The following SEC23A variants were observed in gnomAD, a reference collection of about 807,000 sequenced individuals.
SEC23A encodes SEC23 homolog A, COPII component, also known as protein transport protein Sec23A.
Under a neutral mutation model 103.7 loss-of-function variants are expected in SEC23A, and 56 were observed. The observed-to-expected ratio is 0.54, with a 90% confidence interval of 0.44 to 0.67. SEC23A has a LOEUF of 0.67. Among genes scored for constraint, SEC23A ranks in the 30% least tolerant of loss-of-function variants. The probability of loss-of-function intolerance (pLI) is 0.00; values close to 1 mark genes in which losing one functional copy is unlikely to be tolerated. For synonymous variants in SEC23A, 281 were observed against 293.0 expected (o/e 0.96, Z 0.42); for missense variants, 784 against 936.4 (o/e 0.84, Z 2.12).
chr14:39,036,309 A>G (rs1885456674), intron 19 of SEC23A, among the ~76,000 whole-genome samples: 1 of 128,658 alleles, frequency 7.8e-6, no homozygotes. Context: ...CAACAGAGCA[A>G]GACTCCGTCT....
intron 7 of SEC23A, among the ~76,000 whole-genome samples, chr14:39,078,202 C>T (rs1887105472): frequency 6.6e-6 from 1 of 152,014 alleles, no homozygotes; most frequent in South Asian, 2.1e-4. Flanking sequence ...CTGCAGTCAA[C>T]CATGATCATG....
rs748940241 is a variant in SEC23A, at chr14:39,067,199, C to A, written c.1201G>T (p.Gly401Cys). 6.2e-7 allele frequency: 1 copy of A among 1,613,718 alleles called. No homozygotes were observed. The highest frequency in any genetic ancestry group is 1.7e-5 in the Admixed American group (1 of 60,000). Residue 401 changes from glycine to cysteine, a missense_variant, in exon 10 of 20, where the codon GGC (glycine) becomes TGC (cysteine). Physicochemically the swap from Gly to Cys is radical, Grantham distance 159. Transcript: ENST00000307712. ...TTTATTTCTAGCGTACCACCAAAGC[C>A]CATTTTAAACTGTCCATGCATGTCT... ...TKDMHGQFKM[G>C]FGGTLEIKTS...
intron 19 of SEC23A, among the ~76,000 whole-genome samples, chr14:39,034,550 T>A (rs1424493714): frequency 6.6e-6 from 1 of 152,226 alleles, no homozygotes; most frequent in Non-Finnish European, 1.5e-5. Context: ...TGGCTCTTAC[T>A]TTTTTCTTCC....
At chr14:39,084,633 G>A (rs1887363206) in intron 7 of SEC23A, among the ~76,000 whole-genome samples, 1 of 151,892 alleles carries the variant, frequency 6.6e-6, no homozygotes, top group Non-Finnish European at 1.5e-5. Flanking sequence ...GCTCCTAAAA[G>A]CCTTGGATTC....
intron 19 of SEC23A, among the ~76,000 whole-genome samples, chr14:39,035,965 G>A (rs1334208931): frequency 1.3e-5 from 2 of 151,934 alleles, no homozygotes; most frequent in Non-Finnish European, 2.9e-5. Context: ...CAGTATAAAG[G>A]TGGGGCCTTT....
intron 7 of SEC23A, among the ~76,000 whole-genome samples, chr14:39,085,131 C>T (rs1266136769): frequency 6.6e-6 from 1 of 152,192 alleles, no homozygotes; most frequent in African/African-American, 2.4e-5. Flanking sequence ...TCAATCATGC[C>T]TATGCAGTGA....
intron 1 of SEC23A, among the ~76,000 whole-genome samples, chr14:39,100,800 G>A (rs191868061): frequency 2.0e-5 from 3 of 152,094 alleles, no homozygotes; most frequent in Admixed American, 1.3e-4. Context: ...TTAAACCAAA[G>A]AAATATTATT....
chr14:39,061,510 C>T (rs1157652056), intron 13 of SEC23A, among the ~76,000 whole-genome samples: 1 of 151,958 alleles, frequency 6.6e-6, no homozygotes, highest in Non-Finnish European at 1.5e-5. Context: ...GATTTTTCTC[C>T]TCTCACAGGA....
chr14:39,068,810 ATG>A (rs1247740649), intron 9 of SEC23A, among the ~76,000 whole-genome samples: 1 of 152,204 alleles, frequency 6.6e-6, no homozygotes, highest in Admixed American at 6.5e-5. Flanking sequence ...AATAAAACTG[ATG>A]TGTTATAACT....
At chr14:39,039,892 T>G (rs975565243) in intron 18 of SEC23A, 1 of 152,134 alleles carries the variant, frequency 6.6e-6, no homozygotes, top group Non-Finnish European at 1.5e-5. Context: ...TCAAATGAGA[T>G]AAGGCATGCA....
Position 39,074,542 on chromosome 14 carries a change from T to C in SEC23A, c.988-12A>G, listed in dbSNP as rs751375631. 2 of 1,530,478 alleles carry C rather than the reference T, an allele frequency of 1.3e-6. No homozygotes were observed. The highest frequency in any genetic ancestry group is 2.3e-5 in the East Asian group (1 of 44,424). 94.8% of individuals were successfully genotyped at this position (1,530,478 alleles called of 1,614,324 possible). On this transcript the variant is annotated splice_polypyrimidine_tract_variant and intron_variant, in intron 8 of 19. Transcript: ENST00000307712. ...AATGCTTCAAAATGCTACAAAAGAT[T>C]TTCTTAATTAAAATAATATACAAAA...
At chr14:39,052,768 G>A (rs1886111395) in intron 14 of SEC23A, among the ~76,000 whole-genome samples, 1 of 152,182 alleles carries the variant, frequency 6.6e-6, no homozygotes, top group Admixed American at 6.5e-5. Flanking sequence ...CCTAGAAAAG[G>A]AAAAGTCACA....
intron 15 of SEC23A, 107 bp from the exon 16 acceptor site, chr14:39,045,431 ATGT>A: frequency 1.3e-6 from 1 of 748,802 alleles, no homozygotes. Flanking sequence ...ATAACAAAAC[ATGT>A]TATTATAAGA....
Position 39,096,036 on chromosome 14 carries a change from C to T in SEC23A, c.83G>A (p.Arg28Gln), listed in dbSNP as rs778317222. 1.2e-6 allele frequency: 2 copies of T among 1,614,062 alleles called. No individual in the cohort carries two copies. Among genetic ancestry groups the T allele is most frequent in the South Asian group, 1.1e-5 (1 of 91,072 alleles). The part of the protein sequence containing the change: ...RFSWNVWPSS[R>Q]LEATRMVVPV... Reference sequence around the variant, plus strand: ...AACAACCATTCTTGTAGCTTCCAGTCGACTTGATGGCCAAACATTCCAACT... The same window carrying T: ...AACAACCATTCTTGTAGCTTCCAGTTGACTTGATGGCCAAACATTCCAACT... The change falls in exon 2 of 20, where the codon CGA becomes CAA. Residue 28 changes from arginine to glutamine, a missense_variant. Physicochemically the swap from Arg to Gln is conservative, Grantham distance 43. Coordinates refer to ENST00000307712, the MANE Select transcript of SEC23A (RefSeq NM_006364.4).
chr14:39,044,902 C>G (rs1289544055), intron 16 of SEC23A, among the ~76,000 whole-genome samples: 1 of 151,940 alleles, frequency 6.6e-6, no homozygotes, highest in African/African-American at 2.4e-5. Flanking sequence ...AACCAAATGG[C>G]TGGACAAAAT....
intron 13 of SEC23A, among the ~76,000 whole-genome samples, chr14:39,058,286 AT>A (rs376125773): frequency 0.063 from 9,082 of 144,184 alleles, 648 homozygotes; most frequent in African/African-American, 0.18. Context: ...TTCTTTCTGT[AT>A]TTTTTTTTTT....
At chr14:39,099,252 G>A (rs953345640) in intron 1 of SEC23A, among the ~76,000 whole-genome samples, 8 of 148,806 alleles carry the variant, frequency 5.4e-5, no homozygotes, top group East Asian at 2.0e-4. Flanking sequence ...TCTGCCTCCC[G>A]GGTTCAAGCG....
rs146305897 is a variant in SEC23A, at chr14:39,057,380, C to T, written c.1506-2084G>A. 5.3e-3 allele frequency among the ~76,000 whole-genome samples: 801 copies of T among 151,942 alleles called. 3 individuals carry two copies. The highest frequency in any genetic ancestry group is 1.0e-2 in the Non-Finnish European group (678 of 67,962). ...CAGAGATTTTTTTAAGAGACAAGGT[C>T]TCACTCTATCACCCAAGCTGGAATG... On this transcript the variant is annotated intron_variant, in intron 13 of 19. Coordinates refer to ENST00000307712, the MANE Select transcript of SEC23A (RefSeq NM_006364.4).
At chr14:39,046,971 T>G (rs1001010118) in intron 15 of SEC23A, among the ~76,000 whole-genome samples, 1 of 152,238 alleles carries the variant, frequency 6.6e-6, no homozygotes, top group Non-Finnish European at 1.5e-5. Context: ...CCTATTCTGT[T>G]TTCAGGATCC....
Sources: gnomAD v4.1 joint callset for allele counts (sites outside exome capture counted in the v4.1 genomes callset) on GRCh38, gnomAD v4.1.1 for gene constraint, MANE v1.5 for transcripts, NCBI Gene and HGNC (gene_info 2026-07-23, HGNC 2026-07-21) for gene names.